Variants in LINGO2 observed in about 807,000 individuals in gnomAD.
LINGO2 encodes the protein leucine rich repeat and Ig domain containing 2.
LINGO2 carries 14 observed loss-of-function variants against 30.6 expected under a neutral mutation model. The ratio of observed to expected loss-of-function variants is 0.46; its 90% confidence interval spans 0.30 to 0.72. LINGO2 has a LOEUF of 0.72. LINGO2 is among the 30% of genes least tolerant of loss of function. LINGO2 has a pLI of 0.07. For missense variants in LINGO2, 729 were observed against 751.7 expected (o/e 0.97, Z 0.35); for synonymous variants, 317 against 288.5 (o/e 1.10, Z -1.00).
the LINGO2 span, among the ~76,000 whole-genome samples, chr9:29,157,865 G>C: frequency 6.6e-6 from 1 of 151,886 alleles, no homozygotes; most frequent in Non-Finnish European, 1.5e-5. Context: ...TCATGAAACA[G>C]TACTATACAC....
At chr9:29,102,003 AG>A in the LINGO2 span, among the ~76,000 whole-genome samples, 2 of 152,216 alleles carry the variant, frequency 1.3e-5, no homozygotes, top group African/African-American at 4.8e-5. Context: ...GCTTTATAAA[AG>A]TATTTAAGTC....
the LINGO2 span, among the ~76,000 whole-genome samples, chr9:29,198,706 G>A: frequency 6.6e-6 from 1 of 152,068 alleles, no homozygotes; most frequent in Non-Finnish European, 1.5e-5. Context: ...CCCTGGGAGA[G>A]GCAAGATTCT....
chr9:28,029,000 G>A (rs1175637894), intron 4 of LINGO2, among the ~76,000 whole-genome samples: 3 of 152,110 alleles, frequency 2.0e-5, no homozygotes, highest in African/African-American at 7.2e-5. Context: ...TGCTTCTTAG[G>A]GAGGCTCACA....
chr9:28,249,764 T>C (rs950226148), intron 4 of LINGO2, among the ~76,000 whole-genome samples: 9 of 152,332 alleles, frequency 5.9e-5, no homozygotes, highest in Middle Eastern at 6.8e-3. Flanking sequence ...ATCATTCTTT[T>C]AGTCAGAAGT....
the LINGO2 span, among the ~76,000 whole-genome samples, chr9:29,019,426 A>G: frequency 6.6e-6 from 1 of 152,158 alleles, no homozygotes; most frequent in South Asian, 2.1e-4. Flanking sequence ...CTTATGACAC[A>G]GTTTTGTTAT....
the LINGO2 span, among the ~76,000 whole-genome samples, chr9:28,945,552 T>C: frequency 1.3e-5 from 2 of 152,194 alleles, no homozygotes; most frequent in Admixed American, 6.5e-5. Flanking sequence ...ACTGTAAAAC[T>C]TTAATCTTCA....
the LINGO2 span, among the ~76,000 whole-genome samples, chr9:28,750,235 T>C: frequency 3.2e-4 from 49 of 152,166 alleles, no homozygotes; most frequent in Non-Finnish European, 1.0e-4. Flanking sequence ...ATGGCAGTTA[T>C]GAAAGCTGAG....
intron 1 of LINGO2, among the ~76,000 whole-genome samples, chr9:28,645,208 A>G (rs374216312): frequency 5.3e-5 from 8 of 152,198 alleles, no homozygotes; most frequent in African/African-American, 1.7e-4. Flanking sequence ...TAATTGGAAA[A>G]AAAGGGGATT....
At chr9:28,027,045 T>G (rs1823412926) in intron 4 of LINGO2, among the ~76,000 whole-genome samples, 1 of 152,196 alleles carries the variant, frequency 6.6e-6, no homozygotes, top group Admixed American at 6.5e-5. Flanking sequence ...CACCATGACA[T>G]TCTCATTCAC....
chr9:28,002,231 C>T (rs1821994115), intron 5 of LINGO2, among the ~76,000 whole-genome samples: 1 of 151,596 alleles, frequency 6.6e-6, no homozygotes, highest in Non-Finnish European at 1.5e-5. Flanking sequence ...ACCGTCAGTG[C>T]CCAACAAATT....
chr9:28,720,212 T>C, the LINGO2 span, among the ~76,000 whole-genome samples: 1 of 152,074 alleles, frequency 6.6e-6, no homozygotes, highest in Admixed American at 6.6e-5. Flanking sequence ...GCACTTCATT[T>C]TTTTATATAG....
the LINGO2 span, among the ~76,000 whole-genome samples, chr9:28,933,249 G>T: frequency 1.3e-5 from 2 of 151,980 alleles, no homozygotes; most frequent in African/African-American, 4.8e-5. Context: ...ATTGCCTGAG[G>T]GATCTCCCTA....
intron 4 of LINGO2, among the ~76,000 whole-genome samples, chr9:28,093,118 G>T (rs1826144827): frequency 6.6e-6 from 1 of 152,138 alleles, no homozygotes; most frequent in Non-Finnish European, 1.5e-5. Context: ...TAATTACCCT[G>T]GGTGCAATGT....
At chr9:28,966,515 C>T in the LINGO2 span, among the ~76,000 whole-genome samples, 2 of 151,966 alleles carry the variant, frequency 1.3e-5, no homozygotes, top group Non-Finnish European at 2.9e-5. Context: ...ATGCGTTAGT[C>T]ATATATTAAT....
the LINGO2 span, among the ~76,000 whole-genome samples, chr9:29,023,260 G>C: frequency 6.6e-6 from 1 of 152,022 alleles, no homozygotes; most frequent in African/African-American, 2.4e-5. Flanking sequence ...TTTCCAAAAT[G>C]AGTTTTTGGA....
intron 4 of LINGO2, among the ~76,000 whole-genome samples, chr9:28,241,193 C>T (rs1375544435): frequency 2.2e-5 from 3 of 134,648 alleles, no homozygotes; most frequent in Non-Finnish European, 4.6e-5. Context: ...TGCTTGAACC[C>T]GGGAGGTGGA....
the LINGO2 span, among the ~76,000 whole-genome samples, chr9:28,686,864 G>T: frequency 6.6e-6 from 1 of 152,012 alleles, no homozygotes; most frequent in African/African-American, 2.4e-5. Flanking sequence ...ATGGCCCACT[G>T]AAGATCCAAT....
the LINGO2 span, among the ~76,000 whole-genome samples, chr9:28,759,728 A>G: frequency 4.6e-5 from 7 of 152,104 alleles, no homozygotes; most frequent in East Asian, 1.3e-3. Flanking sequence ...CTTACAGTAC[A>G]GCCAGGCAAA....
At chr9:28,197,626 T>C (rs576295385) in intron 4 of LINGO2, among the ~76,000 whole-genome samples, 3 of 152,098 alleles carry the variant, frequency 2.0e-5, no homozygotes, top group Admixed American at 2.0e-4. Context: ...AAAACCTGAA[T>C]GAATTTTCTT....
Sources: allele counts gnomAD v4.1 joint callset (sites outside exome capture counted in the v4.1 genomes callset), GRCh38; gene constraint gnomAD v4.1.1; transcripts MANE v1.5; gene names NCBI Gene and HGNC (gene_info 2026-07-23, HGNC 2026-07-21).